The following PCDHA12 variants were observed in gnomAD, a reference collection of about 807,000 sequenced individuals.
PCDHA12 encodes the protein protocadherin alpha-12.
PCDHA12 carries 44 observed loss-of-function variants against 60.0 expected under a neutral mutation model. The observed-to-expected ratio is 0.73, with a 90% CI of 0.58 to 0.94. The LOEUF (loss-of-function observed/expected upper bound fraction) is 0.94. Ranked by LOEUF, PCDHA12 falls within the 40% of genes least tolerant of loss-of-function variation. The probability of loss-of-function intolerance (pLI) is 0.00; values close to 1 mark genes in which losing one functional copy is unlikely to be tolerated. For synonymous variants in PCDHA12, 569 were observed against 553.0 expected, an observed-to-expected ratio of 1.03 and a Z score of -0.40; for missense variants, 1,276 against 1,239.7, an observed-to-expected ratio of 1.03 and a Z score of -0.44.
At chr5:140,931,852 G>A (rs1177917853) in intron 1 of PCDHA12, among the ~76,000 whole-genome samples, 1 of 151,728 alleles carries the variant, frequency 6.6e-6, no homozygotes, top group Admixed American at 6.6e-5. Flanking sequence ...AATAACAACA[G>A]GATTCTAGAA....
intron 1 of PCDHA12, among the ~76,000 whole-genome samples, chr5:140,881,897 C>T (rs2058860141): frequency 6.6e-6 from 1 of 152,146 alleles, no homozygotes; most frequent in African/African-American, 2.4e-5. Context: ...CAATTGTCAG[C>T]TAATATAAAA....
chr5:140,934,103 T>C (rs1400037088), intron 1 of PCDHA12, among the ~76,000 whole-genome samples: 1 of 152,148 alleles, frequency 6.6e-6, no homozygotes, highest in Non-Finnish European at 1.5e-5. Context: ...TGCTTTCTAT[T>C]TTATTAATTT....
chr5:140,922,465 T>G (rs116670359), intron 1 of PCDHA12, among the ~76,000 whole-genome samples: 1 of 152,190 alleles, frequency 6.6e-6, no homozygotes, highest in African/African-American at 2.4e-5. Flanking sequence ...CAACACAAAA[T>G]AGGAGAGAAG....
At chr5:140,950,821 G>T (rs1361371532) in intron 1 of PCDHA12, among the ~76,000 whole-genome samples, 8 of 152,020 alleles carry the variant, frequency 5.3e-5, no homozygotes, top group Non-Finnish European at 4.4e-5. Context: ...TAGGGTTAAA[G>T]TTTGGTCCTT....
At chr5:140,940,731 G>C (rs1195223562) in intron 1 of PCDHA12, among the ~76,000 whole-genome samples, 1 of 152,280 alleles carries the variant, frequency 6.6e-6, no homozygotes, top group South Asian at 2.1e-4. Context: ...CAGCTGGACA[G>C]CTCCATATTT....
chr5:140,993,462 TCACACACACACACACACACACACA>T (rs3836747), intron 3 of PCDHA12, among the ~76,000 whole-genome samples: 3 of 140,938 alleles, frequency 2.1e-5, no homozygotes, highest in African/African-American at 5.3e-5. Flanking sequence ...TCTTTCTTTC[TCACACACACACACACACACACACA>T]CACACACACA....
At chr5:140,884,158 G>T (rs376345503) in intron 1 of PCDHA12, 6 of 1,613,488 alleles carry the variant, frequency 3.7e-6, no homozygotes, top group Non-Finnish European at 5.1e-6. Context: ...ACACTGGCGA[G>T]ATCAGCACGA....
At chr5:140,998,405 G>C (rs144117915) in intron 3 of PCDHA12, among the ~76,000 whole-genome samples, 226 of 152,208 alleles carry the variant, frequency 1.5e-3, no homozygotes, top group African/African-American at 5.2e-3. Flanking sequence ...TTATGCCAAA[G>C]TTTATCTACC....
intron 1 of PCDHA12, among the ~76,000 whole-genome samples, chr5:140,901,959 A>G (rs1163639408): frequency 6.6e-6 from 1 of 152,076 alleles, no homozygotes; most frequent in Admixed American, 6.6e-5. Flanking sequence ...ATTCGTGGCT[A>G]TCGTAAATGG....
chr5:140,884,797 T>A, intron 1 of PCDHA12: 1 of 1,276,990 alleles, frequency 7.8e-7, no homozygotes, highest in Non-Finnish European at 1.1e-6. Flanking sequence ...TTATCGAATT[T>A]AACAACTCTG....
chr5:140,971,263 C>T (rs1554233162), intron 1 of PCDHA12, among the ~76,000 whole-genome samples: 1 of 152,186 alleles, frequency 6.6e-6, no homozygotes, highest in African/African-American at 2.4e-5. Flanking sequence ...CTATTTCTGT[C>T]TTACACTGAC....
chr5:140,925,640 G>GAA (rs1554202829), intron 1 of PCDHA12, among the ~76,000 whole-genome samples: 1 of 75,086 alleles, frequency 1.3e-5, no homozygotes, highest in Non-Finnish European at 2.8e-5. Context: ...AGAACTTAAA[G>GAA]TATAATAATA....
chr5:140,877,604 T>G lies in PCDHA12; in HGVS notation c.2132T>G (p.Leu711Arg), dbSNP rs376081263. Residue 711 changes from leucine (L) to arginine (R), a missense_variant, in exon 1 of 4, where the codon CTG (leucine) becomes CGG (arginine). By Grantham distance (102) the Leu-to-Arg change is moderately radical. Coordinates refer to ENST00000398631, the MANE Select transcript of PCDHA12 (RefSeq NM_018903.4). ...IIAICAVSSLLVLTLLLYTAL... is the reference protein window; with the variant it reads ...IIAICAVSSLRVLTLLLYTAL... Reference sequence around the variant, plus strand: ...GCCATCTGTGCGGTGTCCAGCCTGCTGGTGCTCACGCTGCTGCTGTACACT... The same window carrying G: ...GCCATCTGTGCGGTGTCCAGCCTGCGGGTGCTCACGCTGCTGCTGTACACT... 2 of 1,613,768 alleles carry G rather than the reference T, an allele frequency of 1.2e-6. No homozygotes were observed. The highest frequency in any genetic ancestry group is 1.3e-5 in the African/African-American group (1 of 74,938).
intron 1 of PCDHA12, among the ~76,000 whole-genome samples, chr5:140,890,662 C>G (rs75284753): frequency 3.3e-5 from 5 of 152,136 alleles, no homozygotes; most frequent in South Asian, 2.1e-4. Flanking sequence ...CAAAAGTTAA[C>G]TGAAACCCTT....
At chr5:140,967,362 C>A (rs1385889243) in intron 1 of PCDHA12, 2 of 1,607,452 alleles carry the variant, frequency 1.2e-6, no homozygotes, top group East Asian at 2.2e-5. Flanking sequence ...GACCTTAAGC[C>A]CCTGCAGGAG....
At chr5:141,003,404 C>T (rs1220823523) in intron 3 of PCDHA12, among the ~76,000 whole-genome samples, 4 of 152,138 alleles carry the variant, frequency 2.6e-5, no homozygotes, top group African/African-American at 4.8e-5. Context: ...CTCCGCCTCC[C>T]GGGTTCGAGT....
chr5:140,926,852 T>C, intron 1 of PCDHA12: 2 of 1,517,714 alleles, frequency 1.3e-6, no homozygotes, highest in Non-Finnish European at 1.8e-6. Flanking sequence ...GGGTCACCGT[T>C]GGTGTAGCGT....
chr5:140,979,462 T>C (rs2096852361), intron 2 of PCDHA12, among the ~76,000 whole-genome samples: 1 of 152,304 alleles, frequency 6.6e-6, no homozygotes, highest in East Asian at 1.9e-4. Context: ...CAATAATTGA[T>C]TGCTATTGTT....
At chr5:140,946,631 T>TATATGTATATAC (rs57893927) in intron 1 of PCDHA12, among the ~76,000 whole-genome samples, 2 of 131,846 alleles carry the variant, frequency 1.5e-5, no homozygotes, top group Non-Finnish European at 3.1e-5. Flanking sequence ...TATATATATA[T>TATATGTATATAC]ACAATGGAAT....
Sources: allele counts gnomAD v4.1 joint callset (sites outside exome capture counted in the v4.1 genomes callset), GRCh38; gene constraint gnomAD v4.1.1; transcripts MANE v1.5; gene names NCBI Gene and HGNC (gene_info 2026-07-23, HGNC 2026-07-21).